Variants in MRPL49 observed in about 807,000 individuals in gnomAD.
The protein encoded by MRPL49 is large ribosomal subunit protein mL49.
Under a neutral mutation model 18.4 loss-of-function variants are expected in MRPL49, and 14 were observed. The observed-to-expected ratio is 0.76, with a 90% CI of 0.50 to 1.19. The LOEUF (loss-of-function observed/expected upper bound fraction) is 1.19, where lower values mean the gene tolerates loss of function less well. Ranked by LOEUF, MRPL49 falls within the 50% of genes most tolerant of loss-of-function variation. MRPL49 has a pLI of 0.00. For missense variants in MRPL49, 190 were observed against 217.8 expected (o/e 0.87, Z 0.80); for synonymous variants, 104 against 86.2 (o/e 1.21, Z -1.14).
At position 65,125,895 on chromosome 11, in the gene MRPL49, G is replaced by C. The variant is rs1291737819; in HGVS notation, c.*23G>C. On this transcript the variant is annotated 3_prime_UTR_variant, in exon 4 of 4. Coordinates refer to ENST00000279242, the MANE Select transcript of MRPL49 (RefSeq NM_004927.4). ...TGAGGCCCAGCCGAGCAGCCTGCTT[G>C]TCAGCATGCCCTGTGGATCAAGTCT... 3.8e-6 allele frequency: 6 copies of C among 1,593,370 alleles called. No individual in the cohort carries two copies. Among genetic ancestry groups the C allele is most frequent in the Non-Finnish European group, 4.3e-6 (5 of 1,167,412 alleles).
In MRPL49 at chr11:65,122,324, G is replaced by T; in HGVS notation, c.-23G>T. The T allele has an allele frequency of 6.2e-7, 1 of 1,609,336 alleles. No individual in the cohort carries two copies. Among genetic ancestry groups the T allele is most frequent in the Non-Finnish European group, 8.5e-7 (1 of 1,178,338 alleles). On this transcript the variant is annotated 5_prime_UTR_variant, in exon 1 of 4. Transcript: ENST00000279242. Reference sequence around the variant, plus strand: ...GCGGGACCAGACAGTTGCGCGCACAGAAGGCTGGCGTAGCAGGTAAAGATG... The same window carrying T: ...GCGGGACCAGACAGTTGCGCGCACATAAGGCTGGCGTAGCAGGTAAAGATG...
At chr11:65,125,265 A>T in intron 2 of MRPL49, 1 of 530,438 alleles carries the variant, frequency 1.9e-6, no homozygotes, top group South Asian at 2.6e-5. Context: ...TTTCTTGAGC[A>T]CCTACTTAGT....
chr11:65,124,037 A>ACG (rs1948078226), intron 1 of MRPL49, among the ~76,000 whole-genome samples: 1 of 151,928 alleles, frequency 6.6e-6, no homozygotes, highest in Non-Finnish European at 1.5e-5. Context: ...ACAGGCATGC[A>ACG]CCACCATGCC....
Position 65,125,830 on chromosome 11 carries a change from T to G in MRPL49, c.459T>G (p.Phe153Leu). Residue 153 changes from phenylalanine to leucine, a missense_variant, in exon 4 of 4, where the codon TTT (phenylalanine) becomes TTG (leucine). Phe to Leu is a conservative substitution (Grantham distance 22). Transcript: ENST00000279242. ...GTACCCTACGGATCAAGGGCTACTTTGACCAGGAGCTTAAAGCCTGGCTCT... is the reference window on the plus strand; with the variant it reads ...GTACCCTACGGATCAAGGGCTACTTGGACCAGGAGCTTAAAGCCTGGCTCT... ...VTGTLRIKGY[F>L]DQELKAWLLE... The G allele has an allele frequency of 3.7e-6, 6 of 1,611,176 alleles. No individual in the cohort carries two copies. Among genetic ancestry groups the G allele is most frequent in the Non-Finnish European group, 5.1e-6 (6 of 1,178,976 alleles).
chr11:65,126,006 G>C lies in MRPL49; in HGVS notation c.*134G>C. The C allele has an allele frequency of 1.9e-6, 2 of 1,078,976 alleles. No individual in the cohort carries two copies. The highest frequency in any genetic ancestry group is 2.6e-6 in the Non-Finnish European group (2 of 762,568). The allele number at this position is 1,078,976 out of a possible 1,614,324, so 66.8% of individuals were successfully genotyped here. ...TAGGGCTAAAGGACTTTGGGGTCAGGCCTTGCTTGCATAAAGGAGAAAACA... is the reference window on the plus strand; with the variant it reads ...TAGGGCTAAAGGACTTTGGGGTCAGCCCTTGCTTGCATAAAGGAGAAAACA... On this transcript the variant is annotated 3_prime_UTR_variant, in exon 4 of 4. Transcript: ENST00000279242.
rs143100538 is a variant in MRPL49, at chr11:65,125,560, C to A, written c.302C>A (p.Thr101Lys). 1.2e-6 allele frequency: 2 copies of A among 1,614,110 alleles called. No individual in the cohort carries two copies. Among genetic ancestry groups the A allele is most frequent in the Non-Finnish European group, 1.7e-6 (2 of 1,180,018 alleles). Residue 101 changes from threonine to lysine, a missense_variant, in exon 3 of 4, where the codon ACG becomes AAG. Physicochemically the swap from Thr to Lys is moderately conservative, Grantham distance 78 (BLOSUM62 -1). Transcript: ENST00000279242. ...AACATCCCCGTCTACAAGGACATCA[C>A]GCATGGCAACCGGCAGATGACTGTG... ...MHNIPVYKDI[T>K]HGNRQMTVIR...
At position 65,126,981 on chromosome 11, in the gene MRPL49, C is replaced by G. The variant is rs1565339514; in HGVS notation, c.*1109C>G. ...TTCATATATGCCTTATACTTGGAGTCACAGGGGCCAAAGGCCTGAGACCCC... is the reference window on the plus strand; with the variant it reads ...TTCATATATGCCTTATACTTGGAGTGACAGGGGCCAAAGGCCTGAGACCCC... On this transcript the variant is annotated 3_prime_UTR_variant, in exon 4 of 4. Transcript: ENST00000279242. 1.5e-6 allele frequency: 1 copy of G among 678,616 alleles called. No individual in the cohort carries two copies. Among genetic ancestry groups the G allele is most frequent in the Non-Finnish European group, 2.7e-6 (1 of 375,060 alleles). The allele number at this position is 678,616 out of a possible 1,614,324, so 42.0% of individuals were successfully genotyped here. A position where few individuals can be genotyped will look rare whatever the true frequency, so the allele number is the denominator to read the frequency against.
In MRPL49 at chr11:65,125,469, G is replaced by C; in HGVS notation, c.230-19G>C. On this transcript the variant is annotated intron_variant, in intron 2 of 3. Coordinates refer to ENST00000279242, the MANE Select transcript of MRPL49 (RefSeq NM_004927.4). ...GCACGTAGGAAGAGTTGATTTAACA[G>C]TGTCTTTCCCTGTTGCAGACCCCCC... 2.5e-6 allele frequency: 4 copies of C among 1,613,010 alleles called. No individual in the cohort carries two copies. The highest frequency in any genetic ancestry group is 3.4e-6 in the Non-Finnish European group (4 of 1,179,596).
Position 65,126,078 on chromosome 11 carries a change from T to G in MRPL49, c.*206T>G. On this transcript the variant is annotated 3_prime_UTR_variant, in exon 4 of 4. Coordinates refer to ENST00000279242, the MANE Select transcript of MRPL49 (RefSeq NM_004927.4). ...AGAGTGCCTAATGTGGGAGACCAAA[T>G]AGGGATCACCAGGCTAATGGGGGGC... 1.9e-6 allele frequency: 1 copy of G among 517,622 alleles called. No homozygotes were observed. 32.1% of individuals were successfully genotyped at this position (517,622 alleles called of 1,614,324 possible). A position where few individuals can be genotyped will look rare whatever the true frequency, so the allele number is the denominator to read the frequency against.
intron 1 of MRPL49, among the ~76,000 whole-genome samples, chr11:65,123,597 G>A (rs1311816119): frequency 1.3e-5 from 2 of 152,158 alleles, no homozygotes; most frequent in Admixed American, 6.5e-5. Flanking sequence ...AGCCGGGTGT[G>A]ATGGCGTGTG....
rs1473215780 is a variant in MRPL49, at chr11:65,125,949, G to T, written c.*77G>T. On this transcript the variant is annotated 3_prime_UTR_variant, in exon 4 of 4. Transcript: ENST00000279242. ...GGGCCTCAGGAGGAGGGAGGTGGGT[G>T]TTGGAGCCCCTGAGACAGGGGATAC... is the stretch of plus-strand genomic sequence containing the variant. The T allele has an allele frequency of 2.6e-6, 4 of 1,510,076 alleles. No homozygotes were observed. Among genetic ancestry groups the T allele is most frequent in the Non-Finnish European group, 3.6e-6 (4 of 1,123,782 alleles). 93.5% of individuals were successfully genotyped at this position (1,510,076 alleles called of 1,614,324 possible).
At position 65,125,721 on chromosome 11, in the gene MRPL49, C is replaced by T. The variant is rs748651926; in HGVS notation, c.355-5C>T. On this transcript the variant is annotated splice_region_variant and splice_polypyrimidine_tract_variant and intron_variant, in intron 3 of 3. Transcript: ENST00000279242. ...GGCCTGACCTGATTTGTCATCTTTC[C>T]CCAGGCCCTGCAGAAAGACGTGGAA... 3 of 1,613,622 alleles carry T rather than the reference C, an allele frequency of 1.9e-6. No individual in the cohort carries two copies. In the South Asian group the frequency reaches 3.3e-5, roughly 18 times the overall value.
chr11:65,122,675 G>A (rs1376344003), intron 1 of MRPL49, among the ~76,000 whole-genome samples: 1 of 151,882 alleles, frequency 6.6e-6, no homozygotes, highest in Non-Finnish European at 1.5e-5. Flanking sequence ...AAGGGGCGGG[G>A]TCCTAGCATA....
In MRPL49 at chr11:65,126,714, A is replaced by G. The variant is rs1948105609; in HGVS notation, c.*842A>G. ...CAAAGTACAGTGCTGGCACTGGGGC[A>G]CAGAGTGCCCACGTTAGCCCCGGGC... On this transcript the variant is annotated 3_prime_UTR_variant, in exon 4 of 4. Coordinates refer to ENST00000279242, the MANE Select transcript of MRPL49 (RefSeq NM_004927.4). 4.7e-6 allele frequency: 2 copies of G among 425,932 alleles called. No homozygotes were observed. The highest frequency in any genetic ancestry group is 8.4e-6 in the Non-Finnish European group (2 of 237,164). 26.4% of individuals were successfully genotyped at this position (425,932 alleles called of 1,614,324 possible).
rs1948106206 is a variant in MRPL49, at chr11:65,126,745, T to C, written c.*873T>C. The C allele has an allele frequency of 6.2e-6, 3 of 486,212 alleles. No individual in the cohort carries two copies. Among genetic ancestry groups the C allele is most frequent in the Non-Finnish European group, 1.1e-5 (3 of 273,734 alleles). 30.1% of individuals were successfully genotyped at this position (486,212 alleles called of 1,614,324 possible). ...TGCCCACGTTAGCCCCGGGCTCTGA[T>C]AGAGAGGTAGGAGGCACGTTCTTGG... is the stretch of plus-strand genomic sequence containing the variant. On this transcript the variant is annotated 3_prime_UTR_variant, in exon 4 of 4. Coordinates refer to ENST00000279242, the MANE Select transcript of MRPL49 (RefSeq NM_004927.4).
At chr11:65,122,310 C>G, upstream of MRPL49, 1 of 1,604,410 alleles carries the variant, frequency 6.2e-7, no homozygotes, top group Non-Finnish European at 8.5e-7. Flanking sequence ...CGGGACCAGA[C>G]AGTTGCGCGC....
At chr11:65,125,048 A>G (rs117277879) in intron 2 of MRPL49, 6,269 of 259,538 alleles carry the variant, frequency 0.024, 93 homozygotes, top group Non-Finnish European at 0.032. Flanking sequence ...AGCTTGACCC[A>G]ACCTGTTTTA....
Position 65,122,409 on chromosome 11 carries a change from C to T in MRPL49, c.63C>T (p.Cys21=). 1 of 1,612,410 alleles carries T rather than the reference C, an allele frequency of 6.2e-7. No homozygotes were observed. Among genetic ancestry groups the T allele is most frequent in the East Asian group, 2.2e-5 (1 of 44,830 alleles). ...RGWRTGVQRG[C]GLRLLSQTQG... is the part of the protein sequence containing the mutation. Reference sequence around the variant, plus strand: ...GGAGAACCGGTGTCCAGCGGGGCTGCGGGCTACGGCTGTTGGTGAGAGCGC... The same window carrying T: ...GGAGAACCGGTGTCCAGCGGGGCTGTGGGCTACGGCTGTTGGTGAGAGCGC... The change falls in exon 1 of 4, where the codon TGC becomes TGT. Residue 21 remains cysteine (C), a synonymous_variant. Transcript: ENST00000279242.
intron 1 of MRPL49, among the ~76,000 whole-genome samples, chr11:65,123,894 T>C (rs994715208): frequency 1.3e-5 from 2 of 152,114 alleles, no homozygotes; most frequent in African/African-American, 4.8e-5. Context: ...TTGTTTTGTT[T>C]TGTTTTGTTT....
Sources: gnomAD v4.1 joint callset for allele counts (sites outside exome capture counted in the v4.1 genomes callset) on GRCh38, gnomAD v4.1.1 for gene constraint, MANE v1.5 for transcripts, NCBI Gene and HGNC (gene_info 2026-07-23, HGNC 2026-07-21) for gene names.